PLD5: variants seen among roughly 807,000 people sequenced by gnomAD.
PLD5 encodes inactive phospholipase D5.
A neutral mutation model predicts 61.1 loss-of-function variants in PLD5; 36 were observed. That is an observed-to-expected ratio of 0.59 (90% CI 0.45 to 0.78). The LOEUF is 0.78. Ranked by LOEUF, PLD5 falls within the 30% of genes least tolerant of loss-of-function variation. PLD5 has a pLI of 0.00. For missense variants in PLD5, 515 were observed against 644.4 expected (o/e 0.80, Z 2.17); for synonymous variants, 243 against 242.8 (o/e 1.00, Z -0.01).
At chr1:242,304,970 G>A (rs1299620671) in intron 2 of PLD5, among the ~76,000 whole-genome samples, 1 of 152,142 alleles carries the variant, frequency 6.6e-6, no homozygotes, top group Admixed American at 6.6e-5. Flanking sequence ...GCTGGGCATG[G>A]TGGAGCATAC....
chr1:242,318,659 AT>A (rs59083795), intron 2 of PLD5, among the ~76,000 whole-genome samples: 3,628 of 146,920 alleles, frequency 0.025, 67 homozygotes, highest in African/African-American at 0.052. Flanking sequence ...TGATTTTTTA[AT>A]TTTTTTTTTT....
At chr1:242,155,426 T>C (rs912334296) in intron 5 of PLD5, among the ~76,000 whole-genome samples, 1 of 152,174 alleles carries the variant, frequency 6.6e-6, no homozygotes, top group Non-Finnish European at 1.5e-5. Context: ...TCTCTAGTTC[T>C]TTTAATTGTG....
chr1:242,447,363 T>C (rs565582241), intron 1 of PLD5, among the ~76,000 whole-genome samples: 1 of 152,320 alleles, frequency 6.6e-6, no homozygotes, highest in Admixed American at 6.5e-5. Context: ...GTAAGAAAAC[T>C]GATCACATTT....
chr1:242,466,862 C>T (rs950404562), intron 1 of PLD5, among the ~76,000 whole-genome samples: 3 of 151,362 alleles, frequency 2.0e-5, no homozygotes, highest in Admixed American at 6.6e-5. Flanking sequence ...CACTGCACTC[C>T]AGCCTGCGGT....
chr1:242,308,801 G>C (rs1676523698), intron 2 of PLD5, among the ~76,000 whole-genome samples: 1 of 152,110 alleles, frequency 6.6e-6, no homozygotes, highest in Admixed American at 6.6e-5. Context: ...AACAGTAATA[G>C]CCTAATCACT....
At chr1:242,173,453 A>C (rs1666897046) in intron 5 of PLD5, among the ~76,000 whole-genome samples, 2 of 152,236 alleles carry the variant, frequency 1.3e-5, no homozygotes, top group Non-Finnish European at 2.9e-5. Context: ...AAGAATCAAT[A>C]TCGTGAAAAT....
chr1:242,135,432 A>AT (rs529657428), intron 5 of PLD5, among the ~76,000 whole-genome samples: 61 of 152,350 alleles, frequency 4.0e-4, no homozygotes, highest in African/African-American at 1.4e-3. Flanking sequence ...TGCACCCTGC[A>AT]TATGAAAATT....
intron 5 of PLD5, among the ~76,000 whole-genome samples, chr1:242,212,078 C>G (rs1374382233): frequency 6.6e-6 from 1 of 152,184 alleles, no homozygotes; most frequent in African/African-American, 2.4e-5. Flanking sequence ...TAGGGCAGCC[C>G]TGGCTCCATT....
intron 1 of PLD5, chr1:242,376,935 G>A (rs937540666): frequency 2.5e-6 from 4 of 1,606,408 alleles, no homozygotes; most frequent in African/African-American, 1.3e-5. Context: ...TTTCTCGGCT[G>A]AGCTCATCCT....
At chr1:242,274,889 C>G (rs1674324615) in intron 3 of PLD5, among the ~76,000 whole-genome samples, 1 of 152,176 alleles carries the variant, frequency 6.6e-6, no homozygotes, top group Non-Finnish European at 1.5e-5. Flanking sequence ...TTAAGAGTGT[C>G]AACACTTCCT....
chr1:242,496,530 T>G (rs760927214), intron 1 of PLD5, among the ~76,000 whole-genome samples: 1 of 152,252 alleles, frequency 6.6e-6, no homozygotes, highest in African/African-American at 2.4e-5. Context: ...AGATTCACTT[T>G]CTTTGCACTT....
At chr1:242,091,738 A>G (rs950924032) in intron 9 of PLD5, among the ~76,000 whole-genome samples, 1 of 152,168 alleles carries the variant, frequency 6.6e-6, no homozygotes, top group East Asian at 1.9e-4. Flanking sequence ...CCTATATAAG[A>G]AAAACACACC....
Position 242,260,734 on chromosome 1 carries a change from AT to A in PLD5, c.607+4602del, listed in dbSNP as rs1395376325. Among the ~76,000 whole-genome samples the A allele has an allele frequency of 3.9e-5, 6 of 152,248 alleles. 1 individual carries two copies. In the East Asian group the frequency reaches 7.7e-4, roughly 20 times the overall value. On this transcript the variant is annotated intron_variant, in intron 4 of 9. Transcript: ENST00000536534. The stretch of plus-strand genomic sequence containing the variant: ...TATTCTATGAACATACATAATGAAA[AT>A]AACAAAGGATAAATAGAACAATCTC...
Position 242,183,926 on chromosome 1 carries a change from G to T in PLD5, c.735+36062C>A, listed in dbSNP as rs185332256. ...AATAAATAAATAAAAATAAATAAAA[G>T]AAACACCTAAGTTTGATTGTTTATG... On this transcript the variant is annotated intron_variant, in intron 5 of 9. Coordinates refer to ENST00000536534, the MANE Select transcript of PLD5 (RefSeq NM_001372062.1). 3.0e-4 allele frequency among the ~76,000 whole-genome samples: 45 copies of T among 151,940 alleles called. No individual in the cohort carries two copies. In the East Asian group the frequency reaches 7.4e-3, roughly 25 times the overall value.
At chr1:242,436,612 T>C (rs1301399246) in intron 1 of PLD5, among the ~76,000 whole-genome samples, 1 of 152,196 alleles carries the variant, frequency 6.6e-6, no homozygotes, top group East Asian at 1.9e-4. Flanking sequence ...AATCAGCCTA[T>C]ACATATAAGC....
rs564560096 is a variant in PLD5 at position 242,302,649 on chromosome 1, T to G, written c.327-14119A>C. On this transcript the variant is annotated intron_variant, in intron 2 of 9. Transcript: ENST00000536534. The stretch of plus-strand genomic sequence containing the variant: ...CAGGAGGATTGCTTGAACCCAGGAA[T>G]TTGAGGTTACAGTGAACTATGATCG... 2.9e-3 allele frequency among the ~76,000 whole-genome samples: 441 copies of G among 152,290 alleles called. 3 individuals are homozygous for G. Among genetic ancestry groups the G allele is most frequent in the African/African-American group, 0.01 (430 of 41,574 alleles).
intron 5 of PLD5, among the ~76,000 whole-genome samples, chr1:242,186,263 A>G (rs932574151): frequency 1.3e-5 from 2 of 151,560 alleles, no homozygotes; most frequent in African/African-American, 4.9e-5. Flanking sequence ...GCTCACTGCA[A>G]CCTCCACCTC....
At chr1:242,257,302 G>C (rs1673123540) in intron 4 of PLD5, among the ~76,000 whole-genome samples, 2 of 152,146 alleles carry the variant, frequency 1.3e-5, no homozygotes, top group African/African-American at 4.8e-5. Context: ...CACAGACTAA[G>C]CTCTATGTTT....
chr1:242,262,972 A>T (rs1443377403), intron 4 of PLD5, among the ~76,000 whole-genome samples: 1 of 152,092 alleles, frequency 6.6e-6, no homozygotes, highest in Non-Finnish European at 1.5e-5. Context: ...GCTAGGTTTC[A>T]AAAGCACCTC....
Sources: gnomAD v4.1 joint callset for allele counts (sites outside exome capture counted in the v4.1 genomes callset) on GRCh38, gnomAD v4.1.1 for gene constraint, MANE v1.5 for transcripts, NCBI Gene and HGNC (gene_info 2026-07-23, HGNC 2026-07-21) for gene names.